ARHGEF3: variants seen among roughly 807,000 people sequenced by gnomAD.
ARHGEF3 encodes the protein 59.8 kDA protein.
Under a neutral mutation model 63.2 loss-of-function variants are expected in ARHGEF3, and 28 were observed. The observed-to-expected ratio is 0.44, with a 90% CI of 0.33 to 0.61. The LOEUF is 0.61. Among genes scored for constraint, ARHGEF3 ranks in the 20% least tolerant of loss-of-function variants. The pLI, the probability that ARHGEF3 is intolerant of heterozygous loss-of-function variation, is 0.03. For missense variants in ARHGEF3, 533 were observed against 659.3 expected (o/e 0.81, Z 2.10); for synonymous variants, 266 against 254.2 (o/e 1.05, Z -0.44).
chr3:56,814,093 T>C (rs956218697), intron 4 of ARHGEF3, among the ~76,000 whole-genome samples: 1 of 152,196 alleles, frequency 6.6e-6, no homozygotes, highest in African/African-American at 2.4e-5. Context: ...AAGAATAAGA[T>C]ATTTCCCTCC....
At chr3:57,010,170 G>A (rs1702626318) in intron 2 of ARHGEF3, among the ~76,000 whole-genome samples, 1 of 152,128 alleles carries the variant, frequency 6.6e-6, no homozygotes, top group African/African-American at 2.4e-5. Context: ...AAAAACCACA[G>A]TGGGCCGGGC....
At chr3:57,028,639 A>G (rs1466215536) in intron 2 of ARHGEF3, among the ~76,000 whole-genome samples, 3 of 144,234 alleles carry the variant, frequency 2.1e-5, no homozygotes, top group East Asian at 4.1e-4. Flanking sequence ...ACATGTATAC[A>G]TATGTAACTA....
intron 2 of ARHGEF3, among the ~76,000 whole-genome samples, chr3:56,978,729 A>T (rs930324145): frequency 1.3e-5 from 2 of 152,224 alleles, no homozygotes; most frequent in Admixed American, 1.3e-4. Context: ...CCAAAAGTTC[A>T]TCCTAACGAT....
intron 3 of ARHGEF3, among the ~76,000 whole-genome samples, chr3:56,921,054 CAA>C (rs34087284): frequency 0.01 from 622 of 60,632 alleles, 3 homozygotes; most frequent in African/African-American, 0.03. Flanking sequence ...GACTCCATCT[CAA>C]AAAAAAAAAA....
intron 1 of ARHGEF3, among the ~76,000 whole-genome samples, chr3:56,777,283 GAAAGAAAAAAAGGA>G (rs1329415541): frequency 6.9e-6 from 1 of 145,760 alleles, no homozygotes; most frequent in Admixed American, 6.8e-5. Flanking sequence ...AGAGGACAAG[GAAAGAAAAAAAGGA>G]AGAGAAGAAA....
intron 6 of ARHGEF3, 21 bp from the exon 7 acceptor site, chr3:56,745,483 G>C: frequency 6.2e-7 from 1 of 1,609,988 alleles, no homozygotes; most frequent in Non-Finnish European, 8.5e-7. Context: ...AACAGAAAGA[G>C]AAGGTTGGAA....
chr3:57,040,078 G>C (rs1379197526), intron 1 of ARHGEF3, among the ~76,000 whole-genome samples: 1 of 152,164 alleles, frequency 6.6e-6, no homozygotes, highest in South Asian at 2.1e-4. Context: ...AATGAGAATG[G>C]ATGACCTACA....
At chr3:57,027,601 T>C (rs1229465823) in intron 2 of ARHGEF3, among the ~76,000 whole-genome samples, 1 of 152,096 alleles carries the variant, frequency 6.6e-6, no homozygotes, top group Non-Finnish European at 1.5e-5. Context: ...ACACCTGTAA[T>C]CCCAGCACTT....
chr3:56,859,699 ATT>A lies in ARHGEF3; in HGVS notation c.192+22591_192+22592del, dbSNP rs71072200. Among the ~76,000 whole-genome samples, 705 of 141,986 alleles carry A rather than the reference ATT, an allele frequency of 5.0e-3. 2 individuals are homozygous for A. The highest frequency in any genetic ancestry group is 7.8e-3 in the East Asian group (37 of 4,734). The allele number at this position is 141,986 out of a possible 152,430, so 93.1% of individuals were successfully genotyped here. On this transcript the variant is annotated intron_variant, in intron 4 of 12. Coordinates refer to the ARHGEF3 transcript ENST00000338458. ...AGGCACAAACCACCACACCAGGCTA[ATT>A]TTTTTTTTTTTTTTTAAGTTAGAGA...
rs1165862414 is a variant in ARHGEF3, at chr3:57,002,462, C to CTA, written c.62+32624_62+32625dup. On this transcript the variant is annotated intron_variant, in intron 2 of 12. Coordinates refer to the ARHGEF3 transcript ENST00000338458. ...TATATGCCAGGCACTGTTCTAAGCA[C>CTA]TATATATATATATATGTTATATATA... is the stretch of plus-strand genomic sequence containing the variant. Among the ~76,000 whole-genome samples the CTA allele has an allele frequency of 8.1e-3, 313 of 38,630 alleles. 17 individuals are homozygous for CTA. The highest frequency in any genetic ancestry group is 0.032 in the African/African-American group (285 of 8,890). 25.3% of individuals were successfully genotyped at this position (38,630 alleles called of 152,430 possible). A position where few individuals can be genotyped will look rare whatever the true frequency, so the allele number is the denominator to read the frequency against.
chr3:56,851,527 A>G (rs1040514872), intron 4 of ARHGEF3, among the ~76,000 whole-genome samples: 1 of 152,158 alleles, frequency 6.6e-6, no homozygotes, highest in African/African-American at 2.4e-5. Context: ...AGCTGGGACT[A>G]CAGGTGCACA....
At chr3:57,042,921 T>C (rs1704288891) in intron 1 of ARHGEF3, among the ~76,000 whole-genome samples, 1 of 151,040 alleles carries the variant, frequency 6.6e-6, no homozygotes, top group Non-Finnish European at 1.5e-5. Flanking sequence ...ATGGTCTTGA[T>C]CTCCTGACCT....
At chr3:56,849,232 C>CT in intron 4 of ARHGEF3, among the ~76,000 whole-genome samples, 1 of 152,220 alleles carries the variant, frequency 6.6e-6, no homozygotes, top group Non-Finnish European at 1.5e-5. Flanking sequence ...ATTAGAAGGT[C>CT]TTTTACCAGG....
intron 2 of ARHGEF3, among the ~76,000 whole-genome samples, chr3:56,982,312 G>T (rs564249060): frequency 4.6e-5 from 7 of 150,666 alleles, no homozygotes; most frequent in Non-Finnish European, 8.9e-5. Context: ...GCAACCAAAA[G>T]AACTATGCTT....
At chr3:56,739,052 G>A (rs771567670) in intron 7 of ARHGEF3, among the ~76,000 whole-genome samples, 3 of 152,046 alleles carry the variant, frequency 2.0e-5, no homozygotes, top group Non-Finnish European at 2.9e-5. Context: ...CCGAGATCAC[G>A]CCACCGCACT....
At chr3:56,839,861 T>C (rs1156283346) in intron 4 of ARHGEF3, among the ~76,000 whole-genome samples, 4 of 152,130 alleles carry the variant, frequency 2.6e-5, no homozygotes, top group Non-Finnish European at 5.9e-5. Context: ...AGGGAGGGTC[T>C]GGTCCCTAGG....
intron 2 of ARHGEF3, among the ~76,000 whole-genome samples, chr3:56,762,033 A>C (rs1025108448): frequency 6.6e-6 from 1 of 152,134 alleles, no homozygotes; most frequent in Non-Finnish European, 1.5e-5. Flanking sequence ...TCTCCTGTGC[A>C]TTGTAGGATA....
intron 2 of ARHGEF3, among the ~76,000 whole-genome samples, chr3:56,970,288 C>G (rs1278635474): frequency 6.6e-6 from 1 of 151,536 alleles, no homozygotes; most frequent in Non-Finnish European, 1.5e-5. Flanking sequence ...TATTTTCGGG[C>G]AAAATAAAAG....
chr3:56,990,711 T>C lies in ARHGEF3; in HGVS notation c.63-31822A>G, dbSNP rs538669770. ...CCTAAGTCTGGAGGATTGTGGACTT[T>C]GCTATTTGCTTAGATTACATTACAA... On this transcript the variant is annotated intron_variant, in intron 2 of 12. Coordinates refer to the ARHGEF3 transcript ENST00000338458. Among the ~76,000 whole-genome samples, 134 of 152,334 alleles carry C rather than the reference T, an allele frequency of 8.8e-4. 1 individual carries two copies. The South Asian group carries it at 0.018, about 20-fold the overall frequency.
Sources: allele counts gnomAD v4.1 joint callset (sites outside exome capture counted in the v4.1 genomes callset), GRCh38; gene constraint gnomAD v4.1.1; transcripts MANE v1.5; gene names NCBI Gene and HGNC (gene_info 2026-07-23, HGNC 2026-07-21).